NUDT19: variants seen among roughly 807,000 people sequenced by gnomAD.
NUDT19 encodes the protein nudix hydrolase 19.
NUDT19 carries 31 observed loss-of-function variants against 22.2 expected under a neutral mutation model. That is an observed-to-expected ratio of 1.40 (90% CI 1.05 to 1.89). The LOEUF is 1.89. Ranked by LOEUF, NUDT19 falls within the 40% of genes most tolerant of loss-of-function variation. NUDT19 has a pLI of 0.00. For synonymous variants in NUDT19, 325 were observed against 230.8 expected, an observed-to-expected ratio of 1.41 and a Z score of -3.70; for missense variants, 752 against 514.2, an observed-to-expected ratio of 1.46 and a Z score of -4.47.
chr19:32,700,286 C>T (rs8112955), intron 1 of NUDT19, among the ~76,000 whole-genome samples: 27,542 of 152,094 alleles, frequency 0.18, 2,609 homozygotes, highest in African/African-American at 0.22. Context: ...CTGATTGGTC[C>T]GTTTTTACAG....
chr19:32,706,757 G>C (rs1015813009), intron 1 of NUDT19, among the ~76,000 whole-genome samples: 1 of 152,186 alleles, frequency 6.6e-6, no homozygotes. Flanking sequence ...TATCATAGGT[G>C]TGTATGTGTA....
chr19:32,710,420 C>CAAAAAAA (rs34357522), intron 2 of NUDT19, among the ~76,000 whole-genome samples: 15 of 107,036 alleles, frequency 1.4e-4, no homozygotes, highest in South Asian at 3.0e-4. Context: ...ACTGAAAATA[C>CAAAAAAA]AAAAAAAAAA....
In NUDT19 at chr19:32,692,549, T is replaced by G. The variant is rs1434115140; in HGVS notation, c.589T>G (p.Trp197Gly). ...ACCCGACATCTGGGCGCTGCACAAC[T>G]GGAGCGCCTGGCTCACCCCTTTCTT... ...CTPDIWALHN[W>G]SAWLTPFLRG... The change falls in exon 1 of 3, where the codon TGG (tryptophan) becomes GGG (glycine). Residue 197 changes from tryptophan (W) to glycine (G), a missense_variant. Trp to Gly is a radical substitution (Grantham distance 184). Transcript: ENST00000397061. 5 of 1,596,392 alleles carry G rather than the reference T, an allele frequency of 3.1e-6. No individual in the cohort carries two copies. The highest frequency in any genetic ancestry group is 4.3e-6 in the Non-Finnish European group (5 of 1,173,498).
chr19:32,694,310 A>G (rs1968238991), intron 1 of NUDT19, among the ~76,000 whole-genome samples: 1 of 152,132 alleles, frequency 6.6e-6, no homozygotes, highest in South Asian at 2.1e-4. Flanking sequence ...TAGTGTAAAA[A>G]CAACACTCTT....
rs1370093731 is a variant in NUDT19, at chr19:32,692,526, C to T, written c.566C>T (p.Pro189Leu). ...LRLCAHLDCT[P>L]DIWALHNWSA... The stretch of plus-strand genomic sequence containing the variant: ...CTGTGCGCCCACCTCGACTGCACAC[C>T]CGACATCTGGGCGCTGCACAACTGG... The change falls in exon 1 of 3, where the codon CCC becomes CTC. Residue 189 changes from proline to leucine, a missense_variant. Physicochemically the swap from Pro to Leu is moderately conservative, Grantham distance 98. Transcript: ENST00000397061. 6.3e-7 allele frequency: 1 copy of T among 1,584,272 alleles called. No homozygotes were observed. The highest frequency in any genetic ancestry group is 8.6e-7 in the Non-Finnish European group (1 of 1,168,246).
In NUDT19 at chr19:32,691,866, G is replaced by A. The variant is rs997237808; in HGVS notation, c.-95G>A. The A allele has an allele frequency of 1.7e-5, 11 of 657,204 alleles. No homozygotes were observed. Among genetic ancestry groups the A allele is most frequent in the Non-Finnish European group, 2.1e-5 (10 of 477,164 alleles). The allele number at this position is 657,204 out of a possible 1,614,324, so 40.7% of individuals were successfully genotyped here. ...CGCCAGAGGCTCGTCCTCAATTCCC[G>A]CGAGGCCCCCGGAGGTGCTGGGGTC... On this transcript the variant is annotated 5_prime_UTR_variant, in exon 1 of 3. Coordinates refer to ENST00000397061, the MANE Select transcript of NUDT19 (RefSeq NM_001105570.2).
At chr19:32,710,757 G>C (rs1302220498) in intron 2 of NUDT19, among the ~76,000 whole-genome samples, 2 of 151,928 alleles carry the variant, frequency 1.3e-5, no homozygotes, top group East Asian at 3.9e-4. Context: ...GCTGGGCATG[G>C]GGGCGCATGC....
rs1006379711 is a variant in NUDT19, at chr19:32,691,839, A to C, written c.-122A>C. On this transcript the variant is annotated 5_prime_UTR_variant, in exon 1 of 3. Transcript: ENST00000397061. ...GCCGACCAAACGCCCAGGTTCACCC[A>C]ACGCCAGAGGCTCGTCCTCAATTCC... 7.9e-6 allele frequency: 4 copies of C among 504,598 alleles called. No homozygotes were observed. Among genetic ancestry groups the C allele is most frequent in the African/African-American group, 6.1e-5 (3 of 49,500 alleles). The allele number at this position is 504,598 out of a possible 1,614,324, so 31.3% of individuals were successfully genotyped here.
At chr19:32,702,405 A>G (rs75316561) in intron 1 of NUDT19, among the ~76,000 whole-genome samples, 1 of 65,762 alleles carries the variant, frequency 1.5e-5, no homozygotes, top group Non-Finnish European at 3.3e-5. Context: ...GCCTTCAGCC[A>G]GATCTGTTAC....
At chr19:32,693,647 G>A (rs924181378) in intron 1 of NUDT19, among the ~76,000 whole-genome samples, 5 of 151,816 alleles carry the variant, frequency 3.3e-5, no homozygotes, top group East Asian at 1.9e-4. Context: ...GGATTGGTGC[G>A]TTTACAAATC....
In NUDT19 at chr19:32,691,916, T is replaced by G; in HGVS notation, c.-45T>G. Reference sequence around the variant, plus strand: ...CCCTGCAGGGCCGGGCCACCTGCCGTGGAGCTCAGGCCGCGCCAGAATCGG... The same window carrying G: ...CCCTGCAGGGCCGGGCCACCTGCCGGGGAGCTCAGGCCGCGCCAGAATCGG... On this transcript the variant is annotated 5_prime_UTR_variant, in exon 1 of 3. Coordinates refer to ENST00000397061, the MANE Select transcript of NUDT19 (RefSeq NM_001105570.2). 8.8e-7 allele frequency: 1 copy of G among 1,134,388 alleles called. No individual in the cohort carries two copies. Among genetic ancestry groups the G allele is most frequent in the Non-Finnish European group, 1.1e-6 (1 of 904,664 alleles). The allele number at this position is 1,134,388 out of a possible 1,614,324, so 70.3% of individuals were successfully genotyped here.
rs1361541487 is a variant in NUDT19, at chr19:32,692,442, C to T, written c.482C>T (p.Pro161Leu). ...APGPGLALEP[P>L]PGLASWRDRV... ...GGGCCTGGCCTCGCCCTGGAGCCAC[C>T]GCCGGGCCTGGCCTCCTGGCGCGAC... Residue 161 changes from proline to leucine, a missense_variant, in exon 1 of 3, where the codon CCG becomes CTG. Transcript: ENST00000397061. The T allele has an allele frequency of 1.9e-6, 3 of 1,547,262 alleles. No homozygotes were observed. The highest frequency in any genetic ancestry group is 4.9e-5 in the East Asian group (2 of 40,622).
intron 2 of NUDT19, among the ~76,000 whole-genome samples, chr19:32,710,620 G>A (rs923761386): frequency 1.3e-5 from 2 of 151,556 alleles, no homozygotes; most frequent in African/African-American, 4.9e-5. Context: ...AAGGCTGGGC[G>A]CGGTGGCTCA....
rs561620290 is a variant in NUDT19 at position 32,692,697 on chromosome 19, C to T, written c.714+23C>T. 2.1e-5 allele frequency: 30 copies of T among 1,437,170 alleles called. No homozygotes were observed. In the South Asian group the frequency reaches 3.1e-4, roughly 15 times the overall value. 89.0% of individuals were successfully genotyped at this position (1,437,170 alleles called of 1,614,324 possible). The stretch of plus-strand genomic sequence containing the variant: ...CAGGTAAGGCCTGCTCAGGGCCTTG[C>T]TGCGGACCGCCAGGACGTGAGAGGG... On this transcript the variant is annotated intron_variant, in intron 1 of 2. Transcript: ENST00000397061.
rs762177967 is a variant in NUDT19, at chr19:32,692,233, G to C, written c.273G>C (p.Leu91=). Reference sequence around the variant, plus strand: ...ACCACGGGCCGCCGCGCTTCGGCCTGGGCCCGGCGCCATTCAGCCGCACCG... The same window carrying C: ...ACCACGGGCCGCCGCGCTTCGGCCTCGGCCCGGCGCCATTCAGCCGCACCG... ...APHHGPPRFG[L]GPAPFSRTAF... is the part of the protein sequence containing the mutation. The change falls in exon 1 of 3, where the codon CTG becomes CTC. Residue 91 remains leucine, a synonymous_variant. Transcript: ENST00000397061. The C allele has an allele frequency of 2.5e-6, 4 of 1,587,790 alleles. No individual in the cohort carries two copies. The highest frequency in any genetic ancestry group is 2.7e-5 in the African/African-American group (2 of 72,956).
intron 1 of NUDT19, among the ~76,000 whole-genome samples, chr19:32,698,175 C>T (rs1335206065): frequency 2.0e-5 from 3 of 152,184 alleles, no homozygotes; most frequent in Non-Finnish European, 4.4e-5. Context: ...GTATTTCACT[C>T]CATTTGCCTT....
rs1275988244 is a variant in NUDT19 at position 32,712,986 on chromosome 19, C to T, written c.*1029C>T. 4 of 152,066 alleles carry T rather than the reference C, an allele frequency of 2.6e-5. No homozygotes were observed. Among genetic ancestry groups the T allele is most frequent in the Admixed American group, 2.6e-4 (4 of 15,252 alleles). 9.4% of individuals were successfully genotyped at this position (152,066 alleles called of 1,614,324 possible). Reference sequence around the variant, plus strand: ...TCTGCTGGAATTACTTTAAGGGTGTCTTATTAGATGATGAAAAGTTGGCTG... The same window carrying T: ...TCTGCTGGAATTACTTTAAGGGTGTTTTATTAGATGATGAAAAGTTGGCTG... On this transcript the variant is annotated 3_prime_UTR_variant, in exon 3 of 3. Coordinates refer to ENST00000397061, the MANE Select transcript of NUDT19 (RefSeq NM_001105570.2).
intron 1 of NUDT19, among the ~76,000 whole-genome samples, chr19:32,704,451 G>T (rs533552504): frequency 6.6e-6 from 1 of 151,804 alleles, no homozygotes; most frequent in Non-Finnish European, 1.5e-5. Context: ...TAGTAGAGAC[G>T]GGGTTTCGCC....
Position 32,695,405 on chromosome 19 carries a change from C to G in NUDT19, c.714+2731C>G, listed in dbSNP as rs371381087. Among the ~76,000 whole-genome samples the G allele has an allele frequency of 1.0e-3, 152 of 152,286 alleles. 1 individual carries two copies. The highest frequency in any genetic ancestry group is 3.4e-3 in the African/African-American group (141 of 41,560). On this transcript the variant is annotated intron_variant, in intron 1 of 2. Coordinates refer to ENST00000397061, the MANE Select transcript of NUDT19 (RefSeq NM_001105570.2). ...ATGTTGGCCAAGTTGGTCTCAAACT[C>G]CTGACCTCATGATCTGCCCGCCTTG...
Sources: allele counts gnomAD v4.1 joint callset (sites outside exome capture counted in the v4.1 genomes callset), GRCh38; gene constraint gnomAD v4.1.1; transcripts MANE v1.5; gene names NCBI Gene and HGNC (gene_info 2026-07-23, HGNC 2026-07-21).